Variants in BEND4 observed in about 807,000 individuals in gnomAD.
The protein encoded by BEND4 is BEN domain-containing protein 4.
A neutral mutation model predicts 54.7 loss-of-function variants in BEND4; 27 were observed. The ratio of observed to expected loss-of-function variants is 0.49; its 90% CI spans 0.36 to 0.68. BEND4 has a LOEUF of 0.68. Among genes scored for constraint, BEND4 ranks in the 30% least tolerant of loss-of-function variants. The pLI, the probability that BEND4 is intolerant of heterozygous loss-of-function variation, is 0.00. For synonymous variants in BEND4, 327 were observed against 299.5 expected (o/e 1.09, Z -0.95); for missense variants, 702 against 697.2 (o/e 1.01, Z -0.08).
chr4:42,122,654 G>A (rs548927977), intron 4 of BEND4, among the ~76,000 whole-genome samples: 61 of 152,248 alleles, frequency 4.0e-4, no homozygotes, highest in African/African-American at 1.2e-3. Flanking sequence ...AAAATGAGAC[G>A]TGCACCATCC....
At chr4:42,150,707 C>T (rs1488667941) in intron 2 of BEND4, among the ~76,000 whole-genome samples, 1 of 152,250 alleles carries the variant, frequency 6.6e-6, no homozygotes, top group East Asian at 1.9e-4. Flanking sequence ...GCCTCGCAAC[C>T]AGCCCATCTC....
At chr4:42,146,100 T>C (rs887072656) in intron 2 of BEND4, among the ~76,000 whole-genome samples, 2 of 152,182 alleles carry the variant, frequency 1.3e-5, no homozygotes, top group African/African-American at 4.8e-5. Flanking sequence ...CACCTGACCC[T>C]CCTTCTCCAG....
intron 4 of BEND4, among the ~76,000 whole-genome samples, chr4:42,122,865 G>C (rs1057097168): frequency 6.6e-6 from 1 of 152,184 alleles, no homozygotes; most frequent in Non-Finnish European, 1.5e-5. Flanking sequence ...CAAAGGGACG[G>C]GGCTGCGGAT....
chr4:42,147,139 A>C (rs1293590653), intron 2 of BEND4, among the ~76,000 whole-genome samples: 1 of 152,224 alleles, frequency 6.6e-6, no homozygotes, highest in Non-Finnish European at 1.5e-5. Flanking sequence ...TTCAGAAATG[A>C]TATGTACAAA....
chr4:42,138,792 T>C (rs905161906), intron 3 of BEND4, among the ~76,000 whole-genome samples: 41 of 152,348 alleles, frequency 2.7e-4, no homozygotes, highest in African/African-American at 9.4e-4. Flanking sequence ...GTTATAATTA[T>C]TTTACTTTGG....
intron 2 of BEND4, among the ~76,000 whole-genome samples, chr4:42,144,322 C>T (rs185326348): frequency 6.6e-6 from 1 of 152,290 alleles, no homozygotes; most frequent in African/African-American, 2.4e-5. Context: ...TCATTAATAT[C>T]CTTACTCTAA....
chr4:42,139,644 G>A (rs538067755), intron 3 of BEND4, among the ~76,000 whole-genome samples: 11 of 151,242 alleles, frequency 7.3e-5, no homozygotes, highest in Non-Finnish European at 1.5e-4. Flanking sequence ...ACAAATGACC[G>A]AGGAACGCTA....
rs965875721 is a variant in BEND4 at position 42,151,544 on chromosome 4, C to T, written c.487+113G>A. The T allele has an allele frequency of 7.0e-6, 8 of 1,149,344 alleles. No homozygotes were observed. The African/African-American group carries it at 1.1e-4, about 16-fold the overall frequency. 71.2% of individuals were successfully genotyped at this position (1,149,344 alleles called of 1,614,324 possible). A position where few individuals can be genotyped will look rare whatever the true frequency, so the allele number is the denominator to read the frequency against. ...GGAGGCCCCAGGTGCGCCCCGACAT[C>T]CCGACACGGCCCAGCACGGGTAAGT... On this transcript the variant is annotated intron_variant, in intron 2 of 5. Coordinates refer to ENST00000502486, the MANE Select transcript of BEND4 (RefSeq NM_207406.4).
chr4:42,117,182 C>A lies in BEND4; in HGVS notation c.*336G>T, dbSNP rs75862753. Reference sequence around the variant, plus strand: ...GGGCAGAAACACTACCCCAGCCTACCTTGGGGACTATCTCTGCCCAGGTAG... The same window carrying A: ...GGGCAGAAACACTACCCCAGCCTACATTGGGGACTATCTCTGCCCAGGTAG... On this transcript the variant is annotated 3_prime_UTR_variant, in exon 6 of 6. Coordinates refer to ENST00000502486, the MANE Select transcript of BEND4 (RefSeq NM_207406.4). The A allele has an allele frequency of 7.0e-3, 1,341 of 191,036 alleles. 25 individuals carry two copies. Among genetic ancestry groups the A allele is most frequent in the African/African-American group, 0.03 (1,268 of 42,664 alleles). The allele number at this position is 191,036 out of a possible 1,614,324, so 11.8% of individuals were successfully genotyped here.
At chr4:42,135,635 C>T (rs1720671387) in intron 3 of BEND4, among the ~76,000 whole-genome samples, 1 of 151,900 alleles carries the variant, frequency 6.6e-6, no homozygotes, top group South Asian at 2.1e-4. Flanking sequence ...ATTAGCCAGG[C>T]GTGGTGAGGG....
chr4:42,133,905 T>C (rs1720599276), intron 3 of BEND4, among the ~76,000 whole-genome samples: 1 of 152,264 alleles, frequency 6.6e-6, no homozygotes, highest in Admixed American at 6.5e-5. Context: ...TATACAGTTA[T>C]TGTGAGGATT....
At chr4:42,132,808 T>C (rs553700068) in intron 3 of BEND4, among the ~76,000 whole-genome samples, 1 of 152,270 alleles carries the variant, frequency 6.6e-6, no homozygotes, top group East Asian at 1.9e-4. Context: ...CCATTGGGCA[T>C]GTTTTACTCA....
intron 3 of BEND4, among the ~76,000 whole-genome samples, chr4:42,128,723 G>A (rs545701997): frequency 4.0e-5 from 6 of 151,718 alleles, no homozygotes; most frequent in East Asian, 3.9e-4. Flanking sequence ...GCTCATGCCC[G>A]TAATCCCAGC....
Position 42,151,910 on chromosome 4 carries a change from C to G in BEND4, c.234G>C (p.Gln78His), listed in dbSNP as rs1248895426. 19 of 1,256,036 alleles carry G rather than the reference C, an allele frequency of 1.5e-5. No individual in the cohort carries two copies. Among genetic ancestry groups the G allele is most frequent in the Middle Eastern group, 5.6e-4 (2 of 3,562 alleles). 77.8% of individuals were successfully genotyped at this position (1,256,036 alleles called of 1,614,324 possible). A position where few individuals can be genotyped will look rare whatever the true frequency, so the allele number is the denominator to read the frequency against. ...VSISSSEPPPQQFQAQSSYPP... is the reference protein window; with the variant it reads ...VSISSSEPPPHQFQAQSSYPP... ...GGTAGGAGCTCTGCGCCTGGAACTG[C>G]TGCGGCGGCGGCTCGCTGCTGCTGA... The change falls in exon 2 of 6, where the codon CAG (glutamine) becomes CAC (histidine). Residue 78 changes from glutamine to histidine, a missense_variant. By Grantham distance (24) the Gln-to-His change is conservative (BLOSUM62 0). Transcript: ENST00000502486.
At chr4:42,135,787 A>C (rs977637741) in intron 3 of BEND4, among the ~76,000 whole-genome samples, 1 of 142,598 alleles carries the variant, frequency 7.0e-6, no homozygotes, top group Non-Finnish European at 1.5e-5. Flanking sequence ...AAAACCAACC[A>C]AACAAACATA....
chr4:42,124,202 A>C (rs1267871274), intron 4 of BEND4, among the ~76,000 whole-genome samples: 1 of 152,106 alleles, frequency 6.6e-6, no homozygotes, highest in Non-Finnish European at 1.5e-5. Context: ...AAAAACTAAA[A>C]GTTAGCTGGG....
At chr4:42,138,340 G>A (rs1205049420) in intron 3 of BEND4, among the ~76,000 whole-genome samples, 2 of 152,178 alleles carry the variant, frequency 1.3e-5, no homozygotes, top group East Asian at 1.9e-4. Context: ...AATATTGTAA[G>A]ATTTCACCTA....
chr4:42,110,937 C>CGT lies in BEND4; in HGVS notation c.*6580_*6581insAC, dbSNP rs1472670545. On this transcript the variant is annotated 3_prime_UTR_variant, in exon 6 of 6. Coordinates refer to ENST00000502486, the MANE Select transcript of BEND4 (RefSeq NM_207406.4). ...AAGATGCAAAAACCAAGTTAAAACA[C>CGT]TTAACAGAGACTTGACATTTATTGT... The CGT allele has an allele frequency of 4.6e-5, 7 of 152,290 alleles. No individual in the cohort carries two copies. In the East Asian group the frequency reaches 1.4e-3, roughly 29 times the overall value. The allele number at this position is 152,290 out of a possible 1,614,324, so 9.4% of individuals were successfully genotyped here. A position where few individuals can be genotyped will look rare whatever the true frequency, so the allele number is the denominator to read the frequency against.
Position 42,122,034 on chromosome 4 carries a change from C to T in BEND4, c.1147-1740G>A, listed in dbSNP as rs901669805. On this transcript the variant is annotated intron_variant, in intron 4 of 5. Transcript: ENST00000502486. ...TCAGGGAGGCTGGGTGGGCCGGGAG[C>T]GGGGGTGAAATCGGGGGGCTGGCTA... 5.9e-5 allele frequency among the ~76,000 whole-genome samples: 9 copies of T among 151,898 alleles called. No homozygotes were observed. The East Asian group carries it at 1.4e-3, about 23-fold the overall frequency.
Sources: gnomAD v4.1 joint callset for allele counts (sites outside exome capture counted in the v4.1 genomes callset) on GRCh38, gnomAD v4.1.1 for gene constraint, MANE v1.5 for transcripts, NCBI Gene and HGNC (gene_info 2026-07-23, HGNC 2026-07-21) for gene names.